The following ZNF578 variants were observed in gnomAD, a reference collection of about 807,000 sequenced individuals.
ZNF578 encodes the protein zinc finger protein 578.
A neutral mutation model predicts 8.3 loss-of-function variants in ZNF578; 8 were observed. The ratio of observed to expected loss-of-function variants is 0.96; its 90% confidence interval spans 0.56 to 1.74. The LOEUF is 1.74. Ranked by LOEUF, ZNF578 falls within the 40% of genes most tolerant of loss-of-function variation. The pLI is 0.00. For missense variants in ZNF578, 726 were observed against 707.5 expected (o/e 1.03, Z -0.30); for synonymous variants, 206 against 232.2 (o/e 0.89, Z 1.03).
intron 3 of ZNF578, among the ~76,000 whole-genome samples, chr19:52,495,806 C>A (rs2059383805): frequency 6.6e-6 from 1 of 152,030 alleles, no homozygotes; most frequent in Non-Finnish European, 1.5e-5. Context: ...AACCCCTCTT[C>A]AGCCAGAGGA....
intron 3 of ZNF578, among the ~76,000 whole-genome samples, chr19:52,501,438 G>A (rs1225698487): frequency 6.6e-6 from 1 of 152,230 alleles, no homozygotes; most frequent in African/African-American, 2.4e-5. Flanking sequence ...TCATCTGTGT[G>A]CAGCATTGAG....
chr19:52,508,027 C>T lies in ZNF578; in HGVS notation c.191-2545C>T, dbSNP rs1465889243. On this transcript the variant is annotated intron_variant, in intron 5 of 5. Coordinates refer to ENST00000421239, the MANE Select transcript of ZNF578 (RefSeq NM_001099694.2). ...TCATACCATTGCTCTCCAGCCTGGGCAACAACAGTGAAACTCTGAATCAAA... is the reference window on the plus strand; with the variant it reads ...TCATACCATTGCTCTCCAGCCTGGGTAACAACAGTGAAACTCTGAATCAAA... Among the ~76,000 whole-genome samples, 5 of 150,704 alleles carry T rather than the reference C, an allele frequency of 3.3e-5. No individual in the cohort carries two copies. The East Asian group carries it at 9.8e-4, about 30-fold the overall frequency.
intron 3 of ZNF578, among the ~76,000 whole-genome samples, chr19:52,493,583 G>A (rs1428452435): frequency 6.6e-6 from 1 of 152,096 alleles, no homozygotes; most frequent in African/African-American, 2.4e-5. Flanking sequence ...GGGGACAGGG[G>A]GGTATAACAG....
chr19:52,477,780 A>G (rs2059312829), intron 2 of ZNF578, among the ~76,000 whole-genome samples: 1 of 152,190 alleles, frequency 6.6e-6, no homozygotes, highest in Non-Finnish European at 1.5e-5. Context: ...CATGTTTACA[A>G]TCTGCATTTG....
At chr19:52,504,519 C>T in intron 4 of ZNF578, 136 bp from the exon 5 acceptor site, 1 of 1,514,002 alleles carries the variant, frequency 6.6e-7, no homozygotes, top group Non-Finnish European at 8.8e-7. Context: ...AAAAAAAATT[C>T]AAAAATACCT....
chr19:52,489,765 C>T (rs2059358944), intron 2 of ZNF578, among the ~76,000 whole-genome samples: 1 of 151,602 alleles, frequency 6.6e-6, no homozygotes, highest in African/African-American at 2.4e-5. Context: ...ACGCCATTCT[C>T]CTGCCTCAGC....
Position 52,510,746 on chromosome 19 carries a change from G to T in ZNF578, c.365G>T (p.Arg122Ile). The change falls in exon 6 of 6, where the codon AGA (arginine) becomes ATA (isoleucine). Residue 122 changes from arginine to isoleucine, a missense_variant. By Grantham distance (97) the Arg-to-Ile change is moderately conservative. Transcript: ENST00000421239. ...DFEFQSQKDE[R>I]NGHEASMPKI... ...GAGTTTCAGTCACAAAAAGATGAAA[G>T]AAATGGCCATGAAGCATCCATGCCA... The T allele has an allele frequency of 1.9e-6, 3 of 1,612,808 alleles. No individual in the cohort carries two copies. The highest frequency in any genetic ancestry group is 2.5e-6 in the Non-Finnish European group (3 of 1,179,500).
chr19:52,515,936 C>G lies in ZNF578; in HGVS notation c.*3782C>G, dbSNP rs1360855950. On this transcript the variant is annotated 3_prime_UTR_variant, in exon 6 of 6. Transcript: ENST00000421239. The stretch of plus-strand genomic sequence containing the variant: ...CAATCCCTGGCAGGGAACCCTCCAC[C>G]GGCTTCCCGTGTTCCCCAGGACAAA... Among the ~76,000 whole-genome samples, 1 of 152,084 alleles carries G rather than the reference C, an allele frequency of 6.6e-6. No individual in the cohort carries two copies. Among genetic ancestry groups the G allele is most frequent in the Non-Finnish European group, 1.5e-5 (1 of 68,026 alleles).
intron 2 of ZNF578, among the ~76,000 whole-genome samples, chr19:52,465,555 A>G (rs2059272317): frequency 1.3e-5 from 2 of 152,252 alleles, no homozygotes; most frequent in East Asian, 1.9e-4. Flanking sequence ...AGGAAAAGGA[A>G]TTTCCTTTCC....
intron 2 of ZNF578, among the ~76,000 whole-genome samples, chr19:52,478,295 A>G (rs2059314412): frequency 3.9e-5 from 6 of 152,260 alleles, no homozygotes; most frequent in Non-Finnish European, 8.8e-5. Context: ...TCCTTCAACA[A>G]CTTAAACTCT....
At chr19:52,504,029 C>T (rs1419185615) in intron 4 of ZNF578, among the ~76,000 whole-genome samples, 1 of 151,986 alleles carries the variant, frequency 6.6e-6, no homozygotes, top group Non-Finnish European at 1.5e-5. Context: ...ATTTCTTGAC[C>T]ACATTATCTG....
chr19:52,516,357 T>A lies in ZNF578; in HGVS notation c.*4203T>A, dbSNP rs2059475843. Among the ~76,000 whole-genome samples, 1 of 152,158 alleles carries A rather than the reference T, an allele frequency of 6.6e-6. No individual in the cohort carries two copies. Among genetic ancestry groups the A allele is most frequent in the Non-Finnish European group, 1.5e-5 (1 of 68,026 alleles). On this transcript the variant is annotated 3_prime_UTR_variant, in exon 6 of 6. Transcript: ENST00000421239. ...GAAGGGGAGCTCATTCCAGCCCAGT[T>A]CCCAACTGCTGCAGCATGTGTGTGT...
chr19:52,480,294 C>G (rs1372580988), intron 2 of ZNF578, among the ~76,000 whole-genome samples: 1 of 152,104 alleles, frequency 6.6e-6, no homozygotes, highest in African/African-American at 2.4e-5. Context: ...TTCTTGTTAA[C>G]CAGTTTCTCT....
intron 2 of ZNF578, among the ~76,000 whole-genome samples, chr19:52,471,256 A>C (rs1364900708): frequency 6.6e-6 from 1 of 152,176 alleles, no homozygotes; most frequent in Non-Finnish European, 1.5e-5. Flanking sequence ...ACAAGGCTGT[A>C]ATACTGTTGG....
intron 5 of ZNF578, among the ~76,000 whole-genome samples, chr19:52,507,882 T>C (rs1311610738): frequency 4.0e-5 from 6 of 151,678 alleles, no homozygotes; most frequent in African/African-American, 7.3e-5. Flanking sequence ...AAACCACATC[T>C]CTACTAAAAC....
chr19:52,486,862 T>C (rs1568460968), intron 2 of ZNF578, among the ~76,000 whole-genome samples: 1 of 150,370 alleles, frequency 6.7e-6, no homozygotes. Context: ...GTTGTGAGGA[T>C]GGAGCAGAAG....
Position 52,514,517 on chromosome 19 carries a change from T to C in ZNF578, c.*2363T>C, listed in dbSNP as rs547727184. ...GTAGTTTAAGCAGTTAGTCTGTTTT[T>C]CAGTTTTCTTTCCTTATGTCATTTT... is the stretch of plus-strand genomic sequence containing the variant. On this transcript the variant is annotated 3_prime_UTR_variant, in exon 6 of 6. Coordinates refer to ENST00000421239, the MANE Select transcript of ZNF578 (RefSeq NM_001099694.2). Among the ~76,000 whole-genome samples, 1 of 152,340 alleles carries C rather than the reference T, an allele frequency of 6.6e-6. No homozygotes were observed. Among genetic ancestry groups the C allele is most frequent in the Middle Eastern group, 3.4e-3 (1 of 294 alleles).
chr19:52,481,874 G>A (rs764960071), intron 2 of ZNF578, among the ~76,000 whole-genome samples: 2 of 151,982 alleles, frequency 1.3e-5, no homozygotes, highest in Non-Finnish European at 2.9e-5. Flanking sequence ...GGGACCACAG[G>A]TGTGAACCAC....
chr19:52,500,002 C>T (rs1004439575), intron 3 of ZNF578, among the ~76,000 whole-genome samples: 2 of 152,114 alleles, frequency 1.3e-5, no homozygotes, highest in Non-Finnish European at 2.9e-5. Context: ...TTGCTCCTGT[C>T]TCAGGGCCTT....
Sources: gnomAD v4.1 joint callset for allele counts (sites outside exome capture counted in the v4.1 genomes callset) on GRCh38, gnomAD v4.1.1 for gene constraint, MANE v1.5 for transcripts, NCBI Gene and HGNC (gene_info 2026-07-23, HGNC 2026-07-21) for gene names.